STXBP5L: variants seen among roughly 807,000 people sequenced by gnomAD.
STXBP5L encodes the protein syntaxin-binding protein 5-like.
STXBP5L carries 65 observed loss-of-function variants against 144.5 expected under a neutral mutation model. That is an observed-to-expected ratio of 0.45 (90% CI 0.37 to 0.55). The LOEUF (loss-of-function observed/expected upper bound fraction) is 0.55. STXBP5L is among the 20% of genes least tolerant of loss of function. STXBP5L has a pLI of 0.00. For synonymous variants in STXBP5L, 505 were observed against 469.6 expected, an observed-to-expected ratio of 1.08 and a Z score of -0.97; for missense variants, 1,298 against 1,405.5, an observed-to-expected ratio of 0.92 and a Z score of 1.22.
intron 3 of STXBP5L, among the ~76,000 whole-genome samples, chr3:121,037,017 C>T (rs1442038270): frequency 6.6e-6 from 1 of 151,940 alleles, no homozygotes; most frequent in Non-Finnish European, 1.5e-5. Context: ...GCCTCAAACT[C>T]CTGGGCTCAG....
intron 5 of STXBP5L, among the ~76,000 whole-genome samples, chr3:121,069,672 C>A (rs773036088): frequency 2.6e-5 from 4 of 151,542 alleles, no homozygotes; most frequent in Non-Finnish European, 4.4e-5. Context: ...GGTCACGTCT[C>A]GGTGCCTTAG....
chr3:121,098,871 AT>A (rs919545637), intron 5 of STXBP5L, among the ~76,000 whole-genome samples: 10 of 151,562 alleles, frequency 6.6e-5, no homozygotes, highest in East Asian at 1.9e-4. Context: ...GTTATTGTGA[AT>A]TTTTTTTTCC....
chr3:121,115,740 G>A (rs1169688520), intron 6 of STXBP5L, among the ~76,000 whole-genome samples: 2 of 152,136 alleles, frequency 1.3e-5, no homozygotes, highest in Admixed American at 6.6e-5. Flanking sequence ...CATGGTGCTG[G>A]CATCTGCTTA....
chr3:121,159,391 C>T (rs565755538), intron 9 of STXBP5L, among the ~76,000 whole-genome samples: 6 of 151,754 alleles, frequency 4.0e-5, no homozygotes, highest in Non-Finnish European at 8.8e-5. Flanking sequence ...TGGTCCTAAG[C>T]TTCTGGAGGC....
At chr3:120,957,400 A>T (rs1053495554) in intron 3 of STXBP5L, among the ~76,000 whole-genome samples, 7 of 151,942 alleles carry the variant, frequency 4.6e-5, no homozygotes, top group Non-Finnish European at 8.8e-5. Context: ...CTTGATAATG[A>T]TAAGTGATTT....
chr3:121,173,806 T>A (rs1423150223), intron 9 of STXBP5L, among the ~76,000 whole-genome samples: 1 of 152,116 alleles, frequency 6.6e-6, no homozygotes, highest in East Asian at 1.9e-4. Context: ...AGACCTTGAT[T>A]TATAATATAC....
At chr3:120,965,417 GT>G (rs1452056802) in intron 3 of STXBP5L, among the ~76,000 whole-genome samples, 2 of 152,140 alleles carry the variant, frequency 1.3e-5, no homozygotes, top group African/African-American at 4.8e-5. Flanking sequence ...GCTGATACTG[GT>G]TGTTTCTTTC....
chr3:121,342,606 T>C lies in STXBP5L; in HGVS notation c.2176+24066T>C, dbSNP rs189397767. Reference sequence around the variant, plus strand: ...GTGAGAATATGCAGTGTTTGGTTTTTTGTTCTTGTGATAGTTTACTGAGAA... The same window carrying C: ...GTGAGAATATGCAGTGTTTGGTTTTCTGTTCTTGTGATAGTTTACTGAGAA... On this transcript the variant is annotated intron_variant, in intron 20 of 26. Transcript: ENST00000471454. 8.3e-3 allele frequency among the ~76,000 whole-genome samples: 1,252 copies of C among 151,688 alleles called. 22 individuals carry two copies. Among genetic ancestry groups the C allele is most frequent in the African/African-American group, 0.028 (1,168 of 41,370 alleles).
chr3:121,262,085 A>G (rs2050400219), intron 18 of STXBP5L, among the ~76,000 whole-genome samples: 1 of 152,154 alleles, frequency 6.6e-6, no homozygotes, highest in Non-Finnish European at 1.5e-5. Flanking sequence ...AATGAATTCC[A>G]TTCATAATGG....
rs377315265 is a variant in STXBP5L, at chr3:121,171,616, A to T, written c.877+13989A>T. Among the ~76,000 whole-genome samples the T allele has an allele frequency of 2.6e-5, 4 of 152,314 alleles. No homozygotes were observed. The East Asian group carries it at 5.8e-4, about 22-fold the overall frequency. ...CATTCACAACTGCTACAAAGAGAAT[A>T]AAATACCTAGGAATACAACTTACAA... On this transcript the variant is annotated intron_variant, in intron 9 of 26. Coordinates refer to ENST00000471454, the MANE Select transcript of STXBP5L (RefSeq NM_001308330.2).
At chr3:121,244,842 C>T (rs1306862090) in intron 14 of STXBP5L, among the ~76,000 whole-genome samples, 1 of 152,006 alleles carries the variant, frequency 6.6e-6, no homozygotes, top group African/African-American at 2.4e-5. Flanking sequence ...TCATAACCAA[C>T]TTCAAAAATG....
At chr3:121,155,807 G>C (rs992832312) in intron 8 of STXBP5L, among the ~76,000 whole-genome samples, 1 of 151,728 alleles carries the variant, frequency 6.6e-6, no homozygotes, top group African/African-American at 2.4e-5. Flanking sequence ...TTCTTTAATA[G>C]TACTGACTTA....
At position 121,015,865 on chromosome 3, in the gene STXBP5L, A is replaced by T. The variant is rs547977615; in HGVS notation, c.288-25835A>T. On this transcript the variant is annotated intron_variant, in intron 3 of 26. Transcript: ENST00000471454. ...GTTACAACTGGAGAAACACTTGTGA[A>T]TGTCACAGCCCAGACACACAGACCC... 1.2e-4 allele frequency among the ~76,000 whole-genome samples: 19 copies of T among 152,276 alleles called. No homozygotes were observed. The East Asian group carries it at 3.7e-3, about 29-fold the overall frequency.
chr3:121,312,693 T>C (rs2108514900), intron 19 of STXBP5L, among the ~76,000 whole-genome samples: 1 of 151,414 alleles, frequency 6.6e-6, no homozygotes, highest in Non-Finnish European at 1.5e-5. Context: ...AAGCATCTGT[T>C]TAACAAAGCA....
intron 3 of STXBP5L, among the ~76,000 whole-genome samples, chr3:120,955,379 G>A (rs1029211888): frequency 6.6e-6 from 1 of 151,760 alleles, no homozygotes; most frequent in African/African-American, 2.4e-5. Context: ...TTCTATATTC[G>A]ATTTCATTGA....
chr3:121,358,267 A>G (rs1261370028), intron 20 of STXBP5L, among the ~76,000 whole-genome samples: 1 of 109,354 alleles, frequency 9.1e-6, no homozygotes, highest in East Asian at 3.0e-4. Context: ...ACCCCCCACT[A>G]CCCTTCTCAC....
intron 19 of STXBP5L, among the ~76,000 whole-genome samples, chr3:121,294,778 A>AAAAACAAAAC (rs961797879): frequency 7.2e-5 from 11 of 152,152 alleles, no homozygotes; most frequent in African/African-American, 2.4e-4. Flanking sequence ...TCACAGAAGA[A>AAAAACAAAAC]AAAACAAAAC....
At chr3:121,298,697 A>G (rs1577392697) in intron 19 of STXBP5L, among the ~76,000 whole-genome samples, 1 of 152,314 alleles carries the variant, frequency 6.6e-6, no homozygotes, top group South Asian at 2.1e-4. Flanking sequence ...TATGGTGTAT[A>G]TCTAAAATAG....
chr3:121,359,751 C>T (rs1215726863), intron 20 of STXBP5L, among the ~76,000 whole-genome samples: 2 of 151,788 alleles, frequency 1.3e-5, no homozygotes, highest in African/African-American at 2.4e-5. Context: ...AAAATGAGCT[C>T]ACCGTAGGTG....
Sources: gnomAD v4.1 joint callset for allele counts (sites outside exome capture counted in the v4.1 genomes callset) on GRCh38, gnomAD v4.1.1 for gene constraint, MANE v1.5 for transcripts, NCBI Gene and HGNC (gene_info 2026-07-23, HGNC 2026-07-21) for gene names.